The following MARCHF1 variants were observed in gnomAD, a reference collection of about 807,000 sequenced individuals.
MARCHF1 encodes the protein membrane associated ring-CH-type finger 1, also known as E3 ubiquitin-protein ligase MARCHF1.
MARCHF1 carries 40 observed loss-of-function variants against 54.2 expected under a neutral mutation model. That is an observed-to-expected ratio of 0.74 (90% CI 0.57 to 0.96). The LOEUF (loss-of-function observed/expected upper bound fraction) is 0.96. MARCHF1 is among the 40% of genes least tolerant of loss of function. MARCHF1 has a pLI of 0.00. For synonymous variants in MARCHF1, 236 were observed against 236.3 expected (o/e 1.00, Z 0.01); for missense variants, 586 against 656.5 (o/e 0.89, Z 1.17).
chr4:163,799,674 A>G (rs1351144029), intron 4 of MARCHF1, among the ~76,000 whole-genome samples: 1 of 152,056 alleles, frequency 6.6e-6, no homozygotes, highest in Admixed American at 6.6e-5. Context: ...AGTAACCATT[A>G]TTTTTTTCCT....
intron 3 of MARCHF1, among the ~76,000 whole-genome samples, chr4:163,871,467 C>G (rs182408347): frequency 6.6e-5 from 10 of 152,162 alleles, no homozygotes; most frequent in East Asian, 1.9e-4. Context: ...AGTACCCCCC[C>G]ACTAAGGGTG....
intron 4 of MARCHF1, among the ~76,000 whole-genome samples, chr4:163,823,552 C>G (rs1442204537): frequency 1.3e-5 from 2 of 151,738 alleles, no homozygotes; most frequent in African/African-American, 4.8e-5. Context: ...AAAACAATTT[C>G]CTAACCAAAT....
intron 1 of MARCHF1, among the ~76,000 whole-genome samples, chr4:164,225,484 C>A (rs1732226586): frequency 1.3e-5 from 2 of 151,906 alleles, no homozygotes; most frequent in African/African-American, 4.8e-5. Flanking sequence ...AGATAGTAAA[C>A]ATGGAAAAAA....
intron 3 of MARCHF1, among the ~76,000 whole-genome samples, chr4:163,978,079 T>C (rs1752684446): frequency 6.6e-6 from 1 of 152,192 alleles, no homozygotes; most frequent in African/African-American, 2.4e-5. Context: ...AGAAAATTCG[T>C]TGCTCAGCAA....
intron 1 of MARCHF1, among the ~76,000 whole-genome samples, chr4:164,299,689 T>C (rs1213556431): frequency 6.6e-6 from 1 of 152,118 alleles, no homozygotes; most frequent in Non-Finnish European, 1.5e-5. Flanking sequence ...CAACCTATGT[T>C]CCATGATGTT....
intron 1 of MARCHF1, among the ~76,000 whole-genome samples, chr4:164,363,779 G>GTGTGTGTGTGTT (rs1478055099): frequency 2.0e-5 from 3 of 151,924 alleles, no homozygotes; most frequent in Non-Finnish European, 4.4e-5. Flanking sequence ...GTGTGTGTGT[G>GTGTGTGTGTGTT]TGTGTCTGTG....
chr4:164,351,004 A>T (rs895180992), intron 1 of MARCHF1, among the ~76,000 whole-genome samples: 16 of 152,010 alleles, frequency 1.1e-4, no homozygotes, highest in African/African-American at 3.6e-4. Context: ...GGGGTGACGG[A>T]CGCACCTGGA....
chr4:164,053,149 AACAC>A (rs1179798476), intron 2 of MARCHF1, among the ~76,000 whole-genome samples: 1 of 152,232 alleles, frequency 6.6e-6, no homozygotes, highest in Non-Finnish European at 1.5e-5. Context: ...TGTGATTTAT[AACAC>A]ACAGAGTACA....
chr4:164,217,585 CTTATG>C (rs772863369), intron 1 of MARCHF1, among the ~76,000 whole-genome samples: 5 of 152,178 alleles, frequency 3.3e-5, no homozygotes, highest in East Asian at 1.9e-4. Context: ...CCACAAATGA[CTTATG>C]TTATGACACC....
chr4:163,954,795 T>C (rs968654947), intron 3 of MARCHF1, among the ~76,000 whole-genome samples: 3 of 152,186 alleles, frequency 2.0e-5, no homozygotes, highest in Non-Finnish European at 4.4e-5. Flanking sequence ...AACTGGCTTC[T>C]CACACTCAGA....
Position 163,868,758 on chromosome 4 carries a change from CTGG to C in MARCHF1, c.-38-14592_-38-14590del, listed in dbSNP as rs1750107928. ...TTTCACTGTGGAGACAAAAGTTGAACTGGTGATTTAAAAAAAAATGTTTTTTGA... is the reference window on the plus strand; with the variant it reads ...TTTCACTGTGGAGACAAAAGTTGAACTGATTTAAAAAAAAATGTTTTTTGA... On this transcript the variant is annotated intron_variant, in intron 3 of 9. Coordinates refer to ENST00000514618, the MANE Select transcript of MARCHF1 (RefSeq NM_001394959.1). 2.7e-5 allele frequency among the ~76,000 whole-genome samples: 4 copies of C among 150,644 alleles called. No individual in the cohort carries two copies. In the South Asian group the frequency reaches 8.3e-4, roughly 31 times the overall value.
At chr4:164,341,759 T>C (rs541548027) in intron 1 of MARCHF1, among the ~76,000 whole-genome samples, 115 of 152,160 alleles carry the variant, frequency 7.6e-4, no homozygotes, top group Non-Finnish European at 1.3e-3. Context: ...TCCTAATACA[T>C]ACCATCATGC....
intron 8 of MARCHF1, among the ~76,000 whole-genome samples, chr4:163,564,312 T>G (rs1739568891): frequency 6.6e-6 from 1 of 152,190 alleles, no homozygotes; most frequent in Non-Finnish European, 1.5e-5. Context: ...GGAAAGAAAA[T>G]AATGCCAATT....
intron 4 of MARCHF1, among the ~76,000 whole-genome samples, chr4:163,737,624 C>T (rs1561050146): frequency 7.9e-6 from 1 of 126,466 alleles, no homozygotes; most frequent in Non-Finnish European, 1.9e-5. Context: ...CATTGTTGGA[C>T]ATTTGGGTTT....
chr4:164,202,457 TAAAGC>T (rs1731481231), intron 1 of MARCHF1, among the ~76,000 whole-genome samples: 1 of 152,176 alleles, frequency 6.6e-6, no homozygotes, highest in African/African-American at 2.4e-5. Context: ...ATAAAACACT[TAAAGC>T]AGAAGAGTGG....
intron 4 of MARCHF1, among the ~76,000 whole-genome samples, chr4:163,743,815 T>C (rs1312481602): frequency 1.3e-5 from 2 of 152,190 alleles, no homozygotes; most frequent in African/African-American, 4.8e-5. Flanking sequence ...TTTTGCTATG[T>C]AGAGCTAAAT....
intron 1 of MARCHF1, among the ~76,000 whole-genome samples, chr4:164,284,526 C>G (rs1157142011): frequency 6.6e-6 from 1 of 151,010 alleles, no homozygotes; most frequent in South Asian, 2.1e-4. Flanking sequence ...TTTAAAGAAG[C>G]AATCAACTTG....
chr4:164,106,416 C>T (rs1349469655), intron 2 of MARCHF1, among the ~76,000 whole-genome samples: 1 of 94,720 alleles, frequency 1.1e-5, no homozygotes, highest in Admixed American at 1.1e-4. Context: ...CACATATACA[C>T]CATGGAATAC....
intron 1 of MARCHF1, among the ~76,000 whole-genome samples, chr4:164,241,389 GC>G (rs1732743725): frequency 6.6e-6 from 1 of 151,964 alleles, no homozygotes; most frequent in Non-Finnish European, 1.5e-5. Flanking sequence ...TGCTCCTTTG[GC>G]CCAGCGATCA....
Sources: gnomAD v4.1 joint callset for allele counts (sites outside exome capture counted in the v4.1 genomes callset) on GRCh38, gnomAD v4.1.1 for gene constraint, MANE v1.5 for transcripts, NCBI Gene and HGNC (gene_info 2026-07-23, HGNC 2026-07-21) for gene names.